Variants in ZC3H18 observed in about 807,000 individuals in gnomAD.
ZC3H18 encodes the protein zinc finger CCCH-type containing 18, also known as zinc finger CCCH domain-containing protein 18.
Under a neutral mutation model 106.1 loss-of-function variants are expected in ZC3H18, and 8 were observed. The observed-to-expected ratio is 0.08, with a 90% CI of 0.04 to 0.14. The LOEUF is 0.14. Among genes scored for constraint, ZC3H18 ranks in the 10% least tolerant of loss-of-function variants. The pLI is 1.00. For missense variants in ZC3H18, 1,318 were observed against 1,278.4 expected (o/e 1.03, Z -0.47); for synonymous variants, 635 against 522.1 (o/e 1.22, Z -2.95).
chr16:88,618,087 G>T (rs17700884), intron 8 of ZC3H18, among the ~76,000 whole-genome samples: 56,248 of 152,220 alleles, frequency 0.37, 10,831 homozygotes, highest in East Asian at 0.53. Flanking sequence ...TATCTGCTCT[G>T]CGCTGAGACT....
chr16:88,589,329 C>T (rs912433170), intron 3 of ZC3H18, among the ~76,000 whole-genome samples: 1 of 152,178 alleles, frequency 6.6e-6, no homozygotes, highest in Non-Finnish European at 1.5e-5. Flanking sequence ...CCAAGAGAAA[C>T]GGACGTGTGC....
chr16:88,600,706 C>T (rs1204478593), intron 6 of ZC3H18, among the ~76,000 whole-genome samples: 1 of 152,240 alleles, frequency 6.6e-6, no homozygotes, highest in African/African-American at 2.4e-5. Flanking sequence ...AACCACTGCA[C>T]CCAGCCCCTT....
At chr16:88,624,950 G>A (rs1161866101) in intron 12 of ZC3H18, among the ~76,000 whole-genome samples, 1 of 152,202 alleles carries the variant, frequency 6.6e-6, no homozygotes, top group Non-Finnish European at 1.5e-5. Context: ...TGAAGGGGAA[G>A]GGACAGCGTG....
intron 8 of ZC3H18, among the ~76,000 whole-genome samples, chr16:88,616,258 C>G (rs79918793): frequency 2.0e-5 from 3 of 152,236 alleles, no homozygotes; most frequent in Admixed American, 1.3e-4. Flanking sequence ...TAAAATCAAA[C>G]ACAGCTGCTC....
intron 3 of ZC3H18, among the ~76,000 whole-genome samples, chr16:88,595,327 C>T (rs890357024): frequency 3.3e-5 from 5 of 152,196 alleles, no homozygotes; most frequent in African/African-American, 1.2e-4. Context: ...CTCTTCTGGC[C>T]TGAGGCCATG....
chr16:88,628,632 A>G, intron 15 of ZC3H18, 126 bp from the exon 16 acceptor site: 1 of 998,760 alleles, frequency 1.0e-6, no homozygotes, highest in Non-Finnish European at 1.5e-6. Flanking sequence ...ACGGGGTCTC[A>G]TGGGTGTGTG....
At chr16:88,588,945 A>G (rs944863666) in intron 3 of ZC3H18, among the ~76,000 whole-genome samples, 3 of 151,918 alleles carry the variant, frequency 2.0e-5, no homozygotes, top group African/African-American at 7.3e-5. Flanking sequence ...ATCAGGTGTT[A>G]TCAATAACTC....
At chr16:88,593,666 C>T (rs1310403757) in intron 3 of ZC3H18, among the ~76,000 whole-genome samples, 1 of 152,148 alleles carries the variant, frequency 6.6e-6, no homozygotes, top group Non-Finnish European at 1.5e-5. Context: ...TGACCCTGTG[C>T]GCTCTCCGTG....
rs1200168138 is a variant in ZC3H18 at position 88,570,461 on chromosome 16, G to C, written c.-120G>C. 6.6e-6 allele frequency: 1 copy of C among 151,808 alleles called. No homozygotes were observed. Among genetic ancestry groups the C allele is most frequent in the Non-Finnish European group, 1.5e-5 (1 of 67,948 alleles). 9.4% of individuals were successfully genotyped at this position (151,808 alleles called of 1,614,324 possible). A position where few individuals can be genotyped will look rare whatever the true frequency, so the allele number is the denominator to read the frequency against. On this transcript the variant is annotated 5_prime_UTR_variant, in exon 1 of 18. Coordinates refer to ENST00000301011, the MANE Select transcript of ZC3H18 (RefSeq NM_144604.4). ...GGAGCCCGTTTGTTCCGCCCGTGTC[G>C]AGCCTGGAGCCAGAACCTGTGAAGA... is the stretch of plus-strand genomic sequence containing the variant.
intron 3 of ZC3H18, among the ~76,000 whole-genome samples, chr16:88,590,650 C>T (rs1444036551): frequency 7.3e-6 from 1 of 136,550 alleles, no homozygotes; most frequent in East Asian, 2.2e-4. Context: ...GGAACCTCCA[C>T]CTGGGTTCAA....
intron 3 of ZC3H18, among the ~76,000 whole-genome samples, chr16:88,593,229 A>T (rs577631702): frequency 2.6e-4 from 39 of 152,272 alleles, no homozygotes; most frequent in Non-Finnish European, 4.7e-4. Context: ...CCAATGCGTC[A>T]GAAGGAAGGT....
chr16:88,627,749 T>G lies in ZC3H18; in HGVS notation c.2236T>G (p.Ser746Ala), dbSNP rs779059317. 6.2e-7 allele frequency: 1 copy of G among 1,612,668 alleles called. No homozygotes were observed. The highest frequency in any genetic ancestry group is 8.5e-7 in the Non-Finnish European group (1 of 1,179,160). The change falls in exon 14 of 18, where the codon TCC becomes GCC. Residue 746 changes from serine (S) to alanine (A), a missense_variant. This residue lies in a region of ZC3H18 where 848 missense variants were observed against 821.7 expected (regional missense o/e 1.03). Coordinates refer to ENST00000301011, the MANE Select transcript of ZC3H18 (RefSeq NM_144604.4). This position sits in a 1 kb window ranked among gnomAD's most constrained non-coding sequence, Gnocchi z 4.5. The stretch of plus-strand genomic sequence containing the variant: ...CCCCGTGTCCTCAGCCAGCTCTCGG[T>G]CCCCGGCCCCAGCCCAGACCAGGAA... ...ASPVSSASSR[S>A]PAPAQTRKEK...
intron 3 of ZC3H18, among the ~76,000 whole-genome samples, chr16:88,596,128 T>A (rs1904425505): frequency 6.6e-6 from 1 of 152,168 alleles, no homozygotes; most frequent in South Asian, 2.1e-4. Context: ...CACTAGTGTC[T>A]GGTCTCTAGT....
At chr16:88,601,290 G>T (rs1904737780) in intron 6 of ZC3H18, among the ~76,000 whole-genome samples, 1 of 152,242 alleles carries the variant, frequency 6.6e-6, no homozygotes, top group Non-Finnish European at 1.5e-5. Flanking sequence ...ATCACCAGGG[G>T]TGTCTCCTGA....
chr16:88,580,625 T>C (rs958732276), intron 2 of ZC3H18, among the ~76,000 whole-genome samples: 1 of 152,176 alleles, frequency 6.6e-6, no homozygotes, highest in East Asian at 1.9e-4. Context: ...GCCCACCTCC[T>C]GTGCCTGCCT....
In ZC3H18 at chr16:88,609,010, A is replaced by G. The variant is rs1905147005; in HGVS notation, c.1165A>G (p.Arg389Gly). ...GCGTGGCGGACAGTATGAGAATTTC[A>G]GGGTGCAGTATACAGAAACAGAGCC... is the stretch of plus-strand genomic sequence containing the variant. The part of the protein sequence containing the change: ...FWRGGQYENF[R>G]VQYTETEPYH... Residue 389 changes from arginine to glycine, a missense_variant, in exon 7 of 18, where the codon AGG becomes GGG. Physicochemically the swap from Arg to Gly is moderately radical, Grantham distance 125. Coordinates refer to ENST00000301011, the MANE Select transcript of ZC3H18 (RefSeq NM_144604.4). 6.2e-7 allele frequency: 1 copy of G among 1,613,812 alleles called. No individual in the cohort carries two copies. The highest frequency in any genetic ancestry group is 8.5e-7 in the Non-Finnish European group (1 of 1,179,866).
intron 3 of ZC3H18, among the ~76,000 whole-genome samples, chr16:88,594,960 TGAC>T: frequency 6.6e-6 from 1 of 152,274 alleles, no homozygotes; most frequent in South Asian, 2.1e-4. Context: ...AAGACTAGCC[TGAC>T]CAACATGGAG....
intron 1 of ZC3H18, among the ~76,000 whole-genome samples, chr16:88,573,825 G>A (rs1914561544): frequency 6.6e-6 from 1 of 151,852 alleles, no homozygotes; most frequent in African/African-American, 2.4e-5. Context: ...GCTTTTAAGT[G>A]ACTTGGAATG....
intron 8 of ZC3H18, among the ~76,000 whole-genome samples, chr16:88,615,373 C>G (rs998482061): frequency 6.6e-5 from 10 of 152,172 alleles, no homozygotes; most frequent in African/African-American, 2.4e-4. Context: ...CCATCTGGAG[C>G]CCTTGCAGCA....
Sources: allele counts gnomAD v4.1 joint callset (sites outside exome capture counted in the v4.1 genomes callset), GRCh38; gene constraint gnomAD v4.1.1; regional missense constraint gnomAD v4.1.1; non-coding constraint Gnocchi (gnomAD v3.1); transcripts MANE v1.5; gene names NCBI Gene and HGNC (gene_info 2026-07-23, HGNC 2026-07-21).